Variants in ROR1 observed in about 807,000 individuals in gnomAD.
ROR1 encodes inactive tyrosine-protein kinase transmembrane receptor ROR1.
A neutral mutation model predicts 78.8 loss-of-function variants in ROR1; 19 were observed. The ratio of observed to expected loss-of-function variants is 0.24; its 90% CI spans 0.17 to 0.35. The LOEUF is 0.35. Among genes scored for constraint, ROR1 ranks in the 10% least tolerant of loss-of-function variants. The pLI is 1.00. For missense variants in ROR1, 917 were observed against 1,177.8 expected, an observed-to-expected ratio of 0.78 and a Z score of 3.24; for synonymous variants, 386 against 433.6, an observed-to-expected ratio of 0.89 and a Z score of 1.36.
chr1:64,060,930 A>G (rs1386822978), intron 4 of ROR1, among the ~76,000 whole-genome samples: 1 of 152,218 alleles, frequency 6.6e-6, no homozygotes, highest in African/African-American at 2.4e-5. Flanking sequence ...TTTCCAATTA[A>G]AACAGTGCTT....
chr1:63,821,914 C>A lies in ROR1; in HGVS notation c.91+47406C>A, dbSNP rs552071355. 2.9e-4 allele frequency among the ~76,000 whole-genome samples: 44 copies of A among 152,272 alleles called. No homozygotes were observed. The South Asian group carries it at 7.5e-3, about 26-fold the overall frequency. ...AGTGAGTCACAATTGCCCCAGAAAC[C>A]TGTGTTCTCATATGGGATTTTGGTA... On this transcript the variant is annotated intron_variant, in intron 1 of 8. Transcript: ENST00000371079.
intron 4 of ROR1, among the ~76,000 whole-genome samples, chr1:64,112,576 C>T (rs1390818698): frequency 2.0e-5 from 3 of 152,146 alleles, no homozygotes; most frequent in Admixed American, 6.5e-5. Context: ...CACCAGTGAA[C>T]TTTGTAGAAT....
intron 1 of ROR1, among the ~76,000 whole-genome samples, chr1:63,957,435 T>G (rs1399576987): frequency 6.6e-6 from 1 of 152,202 alleles, no homozygotes. Context: ...GAATCCATGA[T>G]GCCAACAAGC....
chr1:64,051,458 AAAATAAAAT>A (rs1447627020), intron 4 of ROR1, among the ~76,000 whole-genome samples: 4 of 21,548 alleles, frequency 1.9e-4, no homozygotes, highest in Admixed American at 1.8e-3. Context: ...TCAAAAATAA[AAAATAAAAT>A]AAAATAAAAT....
At chr1:63,957,736 T>C (rs904091993) in intron 1 of ROR1, among the ~76,000 whole-genome samples, 3 of 149,300 alleles carry the variant, frequency 2.0e-5, no homozygotes, top group African/African-American at 7.5e-5. Flanking sequence ...CTTTTTTTGT[T>C]TGTTTTTTGT....
At chr1:63,885,657 C>A (rs975890551) in intron 1 of ROR1, among the ~76,000 whole-genome samples, 2 of 152,160 alleles carry the variant, frequency 1.3e-5, no homozygotes, top group Non-Finnish European at 2.9e-5. Context: ...TCTCTCCTCA[C>A]CTCTTTAGCA....
chr1:63,952,650 G>C (rs1438695119), intron 1 of ROR1, among the ~76,000 whole-genome samples: 1 of 152,152 alleles, frequency 6.6e-6, no homozygotes, highest in Non-Finnish European at 1.5e-5. Flanking sequence ...AGGTACCTTT[G>C]CCTGAAGCAT....
At chr1:63,798,683 A>G (rs532759994) in intron 1 of ROR1, among the ~76,000 whole-genome samples, 2 of 152,222 alleles carry the variant, frequency 1.3e-5, no homozygotes, top group Admixed American at 6.5e-5. Context: ...CATTGTGGCT[A>G]TTTACTTTAT....
chr1:63,959,737 T>C (rs995383435), intron 1 of ROR1, among the ~76,000 whole-genome samples: 1 of 152,210 alleles, frequency 6.6e-6, no homozygotes, highest in Non-Finnish European at 1.5e-5. Flanking sequence ...TAGGATTCAC[T>C]GGCTTCCCAT....
At chr1:63,955,190 G>A (rs961426683) in intron 1 of ROR1, among the ~76,000 whole-genome samples, 3 of 152,266 alleles carry the variant, frequency 2.0e-5, no homozygotes, top group East Asian at 1.9e-4. Flanking sequence ...GCCAGGTTAC[G>A]TGAAATTAAG....
At chr1:64,043,537 C>T (rs1279345794) in intron 2 of ROR1, among the ~76,000 whole-genome samples, 3 of 152,202 alleles carry the variant, frequency 2.0e-5, no homozygotes, top group African/African-American at 7.2e-5. Context: ...TCAATGATGA[C>T]TTCCAGTTAC....
chr1:63,844,530 G>T (rs1230542326), intron 1 of ROR1, among the ~76,000 whole-genome samples: 3 of 152,188 alleles, frequency 2.0e-5, no homozygotes, highest in African/African-American at 7.2e-5. Flanking sequence ...GAAAAAAATG[G>T]TGAATGAATA....
At chr1:64,001,586 A>C (rs1646383297) in intron 1 of ROR1, among the ~76,000 whole-genome samples, 1 of 151,294 alleles carries the variant, frequency 6.6e-6, no homozygotes, top group South Asian at 2.1e-4. Flanking sequence ...TGGTCTTTAC[A>C]CAGCTTTTGA....
At chr1:63,921,531 G>A (rs1182754849) in intron 1 of ROR1, among the ~76,000 whole-genome samples, 5 of 152,072 alleles carry the variant, frequency 3.3e-5, no homozygotes, top group African/African-American at 1.2e-4. Flanking sequence ...GGTTGTTGTC[G>A]CTACCATGTG....
intron 2 of ROR1, among the ~76,000 whole-genome samples, chr1:64,010,713 C>A (rs764784753): frequency 2.0e-5 from 3 of 152,128 alleles, no homozygotes; most frequent in Non-Finnish European, 2.9e-5. Context: ...GTGAGAGGGA[C>A]CAGGTGGAGA....
At chr1:63,957,094 C>T (rs1645988659) in intron 1 of ROR1, among the ~76,000 whole-genome samples, 1 of 152,200 alleles carries the variant, frequency 6.6e-6, no homozygotes, top group Non-Finnish European at 1.5e-5. Context: ...AAGTCTATGG[C>T]TGGTGAACTT....
chr1:63,865,436 T>C (rs879531513), intron 1 of ROR1, among the ~76,000 whole-genome samples: 3 of 152,244 alleles, frequency 2.0e-5, no homozygotes, highest in Non-Finnish European at 4.4e-5. Context: ...AAACTTCTGA[T>C]ATTATTTCAA....
chr1:64,082,379 A>G (rs1647110543), intron 4 of ROR1, among the ~76,000 whole-genome samples: 1 of 152,228 alleles, frequency 6.6e-6, no homozygotes, highest in African/African-American at 2.4e-5. Flanking sequence ...AAAGCCAAAT[A>G]TTACTTAAAC....
At position 64,178,377 on chromosome 1, in the gene ROR1, G is replaced by A; in HGVS notation, c.2336G>A (p.Ser779Asn). The change falls in exon 9 of 9, where the codon AGT becomes AAT. Residue 779 changes from serine to asparagine, a missense_variant. Around this residue, in one of 3 missense-constraint regions of ROR1, gnomAD observed 835 missense variants for 1,069.8 expected, o/e 0.78. Coordinates refer to ENST00000371079, the MANE Select transcript of ROR1 (RefSeq NM_005012.4). The surrounding 1 kb of genome is among the most constrained non-coding windows in gnomAD (Gnocchi z 4.3). ...ACCTCCCTCAGTGCCAGCCCAGTGA[G>A]TAATCTCAGTAACCCCAGATATCCT... Reference protein sequence around the residue: ...QTTSLSASPVSNLSNPRYPNY... With the variant: ...QTTSLSASPVNNLSNPRYPNY... The A allele has an allele frequency of 1.9e-6, 3 of 1,614,196 alleles. No individual in the cohort carries two copies. Among genetic ancestry groups the A allele is most frequent in the South Asian group, 2.2e-5 (2 of 91,084 alleles).
Sources: gnomAD v4.1 joint callset for allele counts (sites outside exome capture counted in the v4.1 genomes callset) on GRCh38, gnomAD v4.1.1 for gene constraint, gnomAD v4.1.1 regional missense constraint, Gnocchi (gnomAD v3.1) non-coding constraint, MANE v1.5 for transcripts, NCBI Gene and HGNC (gene_info 2026-07-23, HGNC 2026-07-21) for gene names.